The following R3HDM2 variants were observed in gnomAD, a reference collection of about 807,000 sequenced individuals.
R3HDM2 encodes the protein R3H domain-containing protein 2.
R3HDM2 carries 38 observed loss-of-function variants against 124.5 expected under a neutral mutation model. The ratio of observed to expected loss-of-function variants is 0.31; its 90% CI spans 0.24 to 0.40. The LOEUF is 0.40. R3HDM2 is among the 10% of genes least tolerant of loss of function. R3HDM2 has a pLI of 1.00. For synonymous variants in R3HDM2, 391 were observed against 448.0 expected (o/e 0.87, Z 1.61); for missense variants, 869 against 1,236.9 (o/e 0.70, Z 4.46).
At chr12:57,424,398 G>A (rs2070509259) in intron 1 of R3HDM2, among the ~76,000 whole-genome samples, 1 of 152,028 alleles carries the variant, frequency 6.6e-6, no homozygotes, top group Admixed American at 6.6e-5. Context: ...CTGACCTCAA[G>A]TGACCCACCC....
intron 2 of R3HDM2, among the ~76,000 whole-genome samples, chr12:57,366,911 C>T (rs34162257): frequency 0.079 from 12,017 of 152,066 alleles, 637 homozygotes; most frequent in Middle Eastern, 0.3. Flanking sequence ...AGGATGGTCT[C>T]GATCTGACCT....
In R3HDM2 at chr12:57,290,632, A is replaced by T. The variant is rs536470656; in HGVS notation, c.907-1592T>A. On this transcript the variant is annotated intron_variant, in intron 11 of 23. Coordinates refer to ENST00000402412, the MANE Select transcript of R3HDM2 (RefSeq NM_001394031.1). The stretch of plus-strand genomic sequence containing the variant: ...CTTTTTTTTATTTTTTTATTTTTTG[A>T]GATGGAGTTTTCCTCTTGTTGCCCA... Among the ~76,000 whole-genome samples the T allele has an allele frequency of 4.1e-4, 63 of 152,042 alleles. No individual in the cohort carries two copies. The South Asian group carries it at 0.013, about 32-fold the overall frequency.
chr12:57,403,269 G>A (rs1478673067), intron 1 of R3HDM2, among the ~76,000 whole-genome samples: 1 of 152,078 alleles, frequency 6.6e-6, no homozygotes, highest in East Asian at 1.9e-4. Context: ...CGAGGTAGGT[G>A]GATCACGAAG....
chr12:57,412,741 C>T (rs2069119831), intron 1 of R3HDM2, among the ~76,000 whole-genome samples: 1 of 152,132 alleles, frequency 6.6e-6, no homozygotes. Context: ...CGCAGTGGCT[C>T]ACATCTGTAA....
At chr12:57,285,224 G>A (rs1021560213) in intron 12 of R3HDM2, among the ~76,000 whole-genome samples, 2 of 152,146 alleles carry the variant, frequency 1.3e-5, no homozygotes, top group Admixed American at 1.3e-4. Flanking sequence ...TATTTTAATA[G>A]AGAAAGGCAT....
intron 2 of R3HDM2, among the ~76,000 whole-genome samples, chr12:57,348,417 G>A (rs1398608989): frequency 6.6e-6 from 1 of 151,928 alleles, no homozygotes. Context: ...AATAGGGCTG[G>A]GCACGGTGAC....
chr12:57,415,966 G>A (rs1403382161), intron 1 of R3HDM2, among the ~76,000 whole-genome samples: 1 of 152,254 alleles, frequency 6.6e-6, no homozygotes, highest in Middle Eastern at 3.4e-3. Context: ...AGGATTGTGG[G>A]GGTAAGTTGT....
chr12:57,268,533 G>C lies in R3HDM2; in HGVS notation c.1876-76C>G, dbSNP rs1288758334. The C allele has an allele frequency of 6.1e-6, 9 of 1,469,970 alleles. No individual in the cohort carries two copies. The South Asian group carries it at 1.1e-4, about 18-fold the overall frequency. The allele number at this position is 1,469,970 out of a possible 1,614,324, so 91.1% of individuals were successfully genotyped here. On this transcript the variant is annotated intron_variant, in intron 17 of 23. Transcript: ENST00000402412. The stretch of plus-strand genomic sequence containing the variant: ...CATGCAGAAACAGCCTAGTCATCAC[G>C]AGATCAGGGCATTACAACTTCCTTC...
At chr12:57,360,034 T>TATATATAC (rs1555287242) in intron 2 of R3HDM2, among the ~76,000 whole-genome samples, 13 of 83,800 alleles carry the variant, frequency 1.6e-4, no homozygotes, top group East Asian at 6.5e-4. Flanking sequence ...CACACATATA[T>TATATATAC]ATATATATAT....
chr12:57,361,624 C>T (rs367970378), intron 2 of R3HDM2, among the ~76,000 whole-genome samples: 5 of 151,492 alleles, frequency 3.3e-5, no homozygotes, highest in East Asian at 1.9e-4. Context: ...TTCAAGGCTG[C>T]GGCGGTGTGT....
At chr12:57,406,180 G>C (rs1333614065) in intron 1 of R3HDM2, among the ~76,000 whole-genome samples, 1 of 151,992 alleles carries the variant, frequency 6.6e-6, no homozygotes, top group African/African-American at 2.4e-5. Context: ...AATTAGCCAG[G>C]TGTGGTGGCA....
At chr12:57,373,146 A>T (rs1164001146) in intron 2 of R3HDM2, among the ~76,000 whole-genome samples, 1 of 152,180 alleles carries the variant, frequency 6.6e-6, no homozygotes, top group Non-Finnish European at 1.5e-5. Flanking sequence ...AGGCTGCAGT[A>T]AGCTATGACT....
At chr12:57,380,606 C>T (rs1254124401) in intron 2 of R3HDM2, among the ~76,000 whole-genome samples, 1 of 152,166 alleles carries the variant, frequency 6.6e-6, no homozygotes, top group Non-Finnish European at 1.5e-5. Flanking sequence ...AACTTGTCTA[C>T]AACAAAAGAC....
intron 19 of R3HDM2, among the ~76,000 whole-genome samples, chr12:57,264,251 A>C (rs927958965): frequency 6.7e-6 from 1 of 148,758 alleles, no homozygotes; most frequent in Non-Finnish European, 1.5e-5. Context: ...CAAAAAAAAA[A>C]AAAAAGACTT....
chr12:57,291,291 C>T (rs554421344), intron 11 of R3HDM2, among the ~76,000 whole-genome samples: 1 of 151,792 alleles, frequency 6.6e-6, no homozygotes, highest in African/African-American at 2.4e-5. Flanking sequence ...TATTCTCCCC[C>T]CTTGGTGAGA....
At chr12:57,376,896 A>G (rs763521061) in intron 2 of R3HDM2, among the ~76,000 whole-genome samples, 1 of 151,948 alleles carries the variant, frequency 6.6e-6, no homozygotes, top group Non-Finnish European at 1.5e-5. Flanking sequence ...GGTTGCAATG[A>G]GCCGAGATGA....
At chr12:57,313,824 T>C (rs930618770) in intron 2 of R3HDM2, among the ~76,000 whole-genome samples, 1 of 127,876 alleles carries the variant, frequency 7.8e-6, no homozygotes, top group African/African-American at 3.1e-5. Context: ...AAGGCTGCAG[T>C]GGGCTACAAC....
intron 2 of R3HDM2, among the ~76,000 whole-genome samples, chr12:57,349,208 G>A (rs978819728): frequency 2.0e-5 from 3 of 150,864 alleles, no homozygotes; most frequent in African/African-American, 2.4e-5. Context: ...GTGAAACCCC[G>A]ACTCTACTAA....
At chr12:57,414,984 C>T (rs577970994) in intron 1 of R3HDM2, among the ~76,000 whole-genome samples, 5 of 152,128 alleles carry the variant, frequency 3.3e-5, no homozygotes, top group Admixed American at 1.3e-4. Context: ...CCTTGTTGTG[C>T]CAGAGTGTAA....
Sources: allele counts gnomAD v4.1 joint callset (sites outside exome capture counted in the v4.1 genomes callset), GRCh38; gene constraint gnomAD v4.1.1; transcripts MANE v1.5; gene names NCBI Gene and HGNC (gene_info 2026-07-23, HGNC 2026-07-21).